The following FTO variants were observed in gnomAD, a reference collection of about 807,000 sequenced individuals.
FTO encodes alpha-ketoglutarate-dependent dioxygenase FTO.
FTO carries 47 observed loss-of-function variants against 63.9 expected under a neutral mutation model. That is an observed-to-expected ratio of 0.74 (90% CI 0.58 to 0.94). FTO has a LOEUF of 0.94. Among genes scored for constraint, FTO ranks in the 40% least tolerant of loss-of-function variants. FTO has a pLI of 0.00. For missense variants in FTO, 562 were observed against 618.1 expected (o/e 0.91, Z 0.96); for synonymous variants, 207 against 224.4 (o/e 0.92, Z 0.69).
At position 54,048,060 on chromosome 16, in the gene FTO, T is replaced by C. The variant is rs544033312; in HGVS notation, c.1365-63702T>C. On this transcript the variant is annotated intron_variant, in intron 8 of 8. Transcript: ENST00000471389. ...CGCACCAGCATGGCACATGTATACA[T>C]ATGTAACTAACCTGCACAATGTGCA... 1.6e-3 allele frequency among the ~76,000 whole-genome samples: 113 copies of C among 71,166 alleles called. 7 individuals are homozygous for C. The highest frequency in any genetic ancestry group is 0.012 in the African/African-American group (110 of 9,526). The allele number at this position is 71,166 out of a possible 152,430, so 46.7% of individuals were successfully genotyped here.
chr16:53,956,440 A>G (rs747611949), intron 8 of FTO, among the ~76,000 whole-genome samples: 2 of 152,130 alleles, frequency 1.3e-5, no homozygotes, highest in Non-Finnish European at 2.9e-5. Context: ...TAAGTGATGA[A>G]GAAAGCAGAT....
chr16:54,099,046 T>C (rs1037105723), intron 8 of FTO, among the ~76,000 whole-genome samples: 1 of 152,120 alleles, frequency 6.6e-6, no homozygotes. Flanking sequence ...TTGGAAAGGG[T>C]TATCTTTTCT....
chr16:53,977,294 G>T (rs1234828961), intron 8 of FTO, among the ~76,000 whole-genome samples: 1 of 152,074 alleles, frequency 6.6e-6, no homozygotes, highest in East Asian at 1.9e-4. Context: ...TACATTATTG[G>T]ATCTTATATT....
intron 8 of FTO, among the ~76,000 whole-genome samples, chr16:54,008,749 T>A (rs1227595858): frequency 4.0e-5 from 6 of 151,142 alleles, no homozygotes; most frequent in Non-Finnish European, 8.8e-5. Context: ...CAGACTTTAT[T>A]TTCAAGAGGT....
At chr16:54,053,773 T>C (rs1235326605) in intron 8 of FTO, among the ~76,000 whole-genome samples, 2 of 152,200 alleles carry the variant, frequency 1.3e-5, no homozygotes, top group Non-Finnish European at 2.9e-5. Context: ...AACCCCTGCC[T>C]TCGAGAAACA....
intron 1 of FTO, chr16:53,764,372 C>T (rs2077140868): frequency 1.3e-5 from 2 of 151,758 alleles, no homozygotes; most frequent in African/African-American, 4.9e-5. Flanking sequence ...TGGCTCATGC[C>T]TGTAATCCCA....
At chr16:53,842,969 C>G (rs748057813) in intron 3 of FTO, among the ~76,000 whole-genome samples, 1 of 152,200 alleles carries the variant, frequency 6.6e-6, no homozygotes, top group Non-Finnish European at 1.5e-5. Flanking sequence ...GCCACTGCGC[C>G]CAGTCTGTAC....
At chr16:54,055,504 A>T (rs1473834529) in intron 8 of FTO, among the ~76,000 whole-genome samples, 2 of 152,208 alleles carry the variant, frequency 1.3e-5, no homozygotes, top group Non-Finnish European at 2.9e-5. Context: ...AAACACTGAG[A>T]TAAAGAAAGG....
intron 7 of FTO, among the ~76,000 whole-genome samples, chr16:53,913,705 G>A (rs568501042): frequency 7.2e-5 from 11 of 152,274 alleles, no homozygotes; most frequent in Admixed American, 4.6e-4. Flanking sequence ...TAGACCTGGC[G>A]CAGTGGCTCA....
chr16:53,852,543 C>A (rs1474518234), intron 4 of FTO, among the ~76,000 whole-genome samples: 1 of 152,026 alleles, frequency 6.6e-6, no homozygotes, highest in Non-Finnish European at 1.5e-5. Flanking sequence ...AAGACAAGCA[C>A]GCTTATAAGT....
intron 4 of FTO, among the ~76,000 whole-genome samples, chr16:53,847,935 C>T (rs1598816104): frequency 6.6e-6 from 1 of 152,082 alleles, no homozygotes; most frequent in Admixed American, 6.6e-5. Flanking sequence ...AGCTGATATC[C>T]AAGACATAAT....
chr16:53,930,222 T>C (rs35592411), intron 7 of FTO, among the ~76,000 whole-genome samples: 1 of 55,230 alleles, frequency 1.8e-5, no homozygotes. Context: ...GATTATCTTC[T>C]TTTTTTTTTT....
chr16:53,845,783 A>C (rs1250632270), intron 4 of FTO, among the ~76,000 whole-genome samples: 2 of 152,234 alleles, frequency 1.3e-5, no homozygotes, highest in African/African-American at 2.4e-5. Flanking sequence ...GTATAGTGGT[A>C]CCAGTCTGAG....
intron 1 of FTO, among the ~76,000 whole-genome samples, chr16:53,737,429 A>G (rs1372691835): frequency 6.6e-6 from 1 of 152,190 alleles, no homozygotes; most frequent in Non-Finnish European, 1.5e-5. Flanking sequence ...GCTGTTTCGT[A>G]CAGTAACTTG....
At chr16:53,932,878 C>T (rs1489823269) in intron 7 of FTO, among the ~76,000 whole-genome samples, 1 of 152,196 alleles carries the variant, frequency 6.6e-6, no homozygotes, top group Non-Finnish European at 1.5e-5. Flanking sequence ...TATCATTCCT[C>T]TCAAGAGTCT....
intron 6 of FTO, among the ~76,000 whole-genome samples, chr16:53,883,495 G>A (rs528709986): frequency 2.2e-4 from 34 of 152,050 alleles, no homozygotes; most frequent in Non-Finnish European, 3.1e-4. Flanking sequence ...GGTGGCGGGC[G>A]CCTGTAATCC....
intron 7 of FTO, among the ~76,000 whole-genome samples, chr16:53,918,337 G>A (rs918230568): frequency 6.6e-6 from 1 of 152,156 alleles, no homozygotes; most frequent in African/African-American, 2.4e-5. Context: ...AACCTGTACA[G>A]CATGTTACTG....
At chr16:53,765,156 T>TTA (rs2077169409) in intron 1 of FTO, among the ~76,000 whole-genome samples, 1 of 152,204 alleles carries the variant, frequency 6.6e-6, no homozygotes, top group African/African-American at 2.4e-5. Context: ...TAACTGAGGC[T>TTA]TATATATGCT....
intron 8 of FTO, among the ~76,000 whole-genome samples, chr16:53,958,858 C>A (rs2082997891): frequency 6.6e-6 from 1 of 152,186 alleles, no homozygotes; most frequent in Admixed American, 6.5e-5. Flanking sequence ...CTGCTTAAAG[C>A]AAAGCCTGGG....
Sources: allele counts gnomAD v4.1 joint callset (sites outside exome capture counted in the v4.1 genomes callset), GRCh38; gene constraint gnomAD v4.1.1; transcripts MANE v1.5; gene names NCBI Gene and HGNC (gene_info 2026-07-23, HGNC 2026-07-21).